Variants in GNAO1 observed in about 807,000 individuals in gnomAD.
GNAO1 encodes G protein subunit alpha o1.
For missense variants in GNAO1, 166 were observed against 478.7 expected (o/e 0.35, Z 6.10); for synonymous variants, 164 against 180.7 (o/e 0.91, Z 0.74).
chr16:56,231,992 G>C (rs1366965233), intron 2 of GNAO1, among the ~76,000 whole-genome samples: 1 of 152,188 alleles, frequency 6.6e-6, no homozygotes, highest in Non-Finnish European at 1.5e-5. Context: ...GGGGGCTGGA[G>C]GAGGGGGGCC....
intron 6 of GNAO1, among the ~76,000 whole-genome samples, chr16:56,338,520 G>A (rs879704780): frequency 2.0e-5 from 3 of 152,214 alleles, no homozygotes; most frequent in Non-Finnish European, 4.4e-5. Flanking sequence ...CCAACTCCTG[G>A]GGTCTGAGCT....
chr16:56,262,625 A>T (rs1284614948), intron 2 of GNAO1, among the ~76,000 whole-genome samples: 1 of 152,226 alleles, frequency 6.6e-6, no homozygotes, highest in Non-Finnish European at 1.5e-5. Flanking sequence ...AAATATAATT[A>T]AAAAGCTATG....
At chr16:56,280,510 T>C (rs1177304500) in intron 3 of GNAO1, among the ~76,000 whole-genome samples, 1 of 151,714 alleles carries the variant, frequency 6.6e-6, no homozygotes, top group Non-Finnish European at 1.5e-5. Flanking sequence ...CGTGGAGAGA[T>C]TTTGAGCTGG....
rs1228525299 is a variant in GNAO1, at chr16:56,253,356, C to T, written c.162-22575C>T. 3.3e-5 allele frequency among the ~76,000 whole-genome samples: 5 copies of T among 152,328 alleles called. No individual in the cohort carries two copies. The East Asian group carries it at 5.8e-4, about 18-fold the overall frequency. ...GAAGACCTGGGTTGGAGCCCCAGCC[C>T]GGCTACTTGCTGGCCTGTGACCTTG... is the stretch of plus-strand genomic sequence containing the variant. On this transcript the variant is annotated intron_variant, in intron 2 of 8. Coordinates refer to ENST00000262493, the MANE Select transcript of GNAO1 (RefSeq NM_020988.3).
intron 3 of GNAO1, among the ~76,000 whole-genome samples, chr16:56,297,944 G>C (rs981295018): frequency 6.6e-6 from 1 of 152,144 alleles, no homozygotes; most frequent in Non-Finnish European, 1.5e-5. Context: ...AAAGGTGGGC[G>C]GATCACTTGA....
intron 3 of GNAO1, among the ~76,000 whole-genome samples, chr16:56,309,346 G>T (rs1158591000): frequency 1.3e-5 from 2 of 152,284 alleles, no homozygotes; most frequent in Middle Eastern, 3.4e-3. Context: ...TTAGAGATGG[G>T]GAGAGATGAT....
intron 2 of GNAO1, among the ~76,000 whole-genome samples, chr16:56,209,170 G>A (rs1273587955): frequency 2.0e-5 from 3 of 152,232 alleles, no homozygotes; most frequent in African/African-American, 7.2e-5. Context: ...GTTGATTCTT[G>A]TGTATGATGT....
Position 56,334,822 on chromosome 16 carries a change from A to G in GNAO1, c.558A>G (p.Val186=), listed in dbSNP as rs776321608. The change falls in exon 5 of 9, where the codon GTA becomes GTG. Residue 186 remains valine, a synonymous_variant. Transcript: ENST00000262493. ...CCAGGGTCAAAACCACTGGCATCGTAGAAACCCACTTCACATTCAAGAACC... is the reference window on the plus strand; with the variant it reads ...CCAGGGTCAAAACCACTGGCATCGTGGAAACCCACTTCACATTCAAGAACC... ...LRTRVKTTGI[V]ETHFTFKNLH... is the part of the protein sequence containing the mutation. The G allele has an allele frequency of 3.7e-6, 6 of 1,613,968 alleles. No homozygotes were observed. The highest frequency in any genetic ancestry group is 4.2e-6 in the Non-Finnish European group (5 of 1,180,022).
chr16:56,259,951 G>A lies in GNAO1; in HGVS notation c.162-15980G>A, dbSNP rs961669610. Among the ~76,000 whole-genome samples, 3 of 152,178 alleles carry A rather than the reference G, an allele frequency of 2.0e-5. No individual in the cohort carries two copies. The East Asian group carries it at 5.8e-4, about 29-fold the overall frequency. ...TATTCCTTGGATATTTAGTCTGAGG[G>A]CTGTCCATAAAGTGGAGAGCTCTTG... On this transcript the variant is annotated intron_variant, in intron 2 of 8. Transcript: ENST00000262493.
At chr16:56,347,126 A>G (rs2037877211) in intron 6 of GNAO1, 19 of 985,414 alleles carry the variant, frequency 1.9e-5, no homozygotes, top group Non-Finnish European at 2.3e-5. Context: ...GAGCACTCGG[A>G]CTGTTTCCTC....
At chr16:56,277,776 T>TAC (rs60891936) in intron 3 of GNAO1, among the ~76,000 whole-genome samples, 3,263 of 108,024 alleles carry the variant, frequency 0.03, 158 homozygotes, top group African/African-American at 0.045. Context: ...GCACACCCCC[T>TAC]ACACACACAC....
chr16:56,323,848 G>A (rs1010279483), intron 3 of GNAO1, among the ~76,000 whole-genome samples: 1 of 152,166 alleles, frequency 6.6e-6, no homozygotes, highest in Non-Finnish European at 1.5e-5. Flanking sequence ...AACCATGGAG[G>A]CCTGGACTTA....
At chr16:56,342,695 C>T (rs995312436) in intron 6 of GNAO1, among the ~76,000 whole-genome samples, 2 of 152,248 alleles carry the variant, frequency 1.3e-5, no homozygotes, top group Non-Finnish European at 2.9e-5. Context: ...AAGGCCTGCT[C>T]TGTGGACTCC....
intron 3 of GNAO1, among the ~76,000 whole-genome samples, chr16:56,287,235 G>A (rs2037181682): frequency 6.6e-6 from 1 of 152,222 alleles, no homozygotes; most frequent in Admixed American, 6.5e-5. Context: ...GCCTCCACTA[G>A]AAGTCAGGTC....
intron 3 of GNAO1, among the ~76,000 whole-genome samples, chr16:56,293,346 G>A (rs2037250620): frequency 6.6e-6 from 1 of 152,198 alleles, no homozygotes; most frequent in African/African-American, 2.4e-5. Context: ...CAGCTGAGCA[G>A]TTCAACAGCT....
chr16:56,234,495 T>A (rs1390517336), intron 2 of GNAO1, among the ~76,000 whole-genome samples: 1 of 152,260 alleles, frequency 6.6e-6, no homozygotes, highest in Non-Finnish European at 1.5e-5. Flanking sequence ...CAGCCAGGCC[T>A]GCAGTTCCTC....
intron 2 of GNAO1, among the ~76,000 whole-genome samples, chr16:56,269,494 A>G (rs143462525): frequency 5.8e-4 from 89 of 152,180 alleles, no homozygotes; most frequent in Middle Eastern, 3.4e-3. Flanking sequence ...TGTGCTGGGC[A>G]CTCTACATGG....
rs2037977939 is a variant in GNAO1 at position 56,357,201 on chromosome 16, T to G, written c.*1127T>G. The G allele has an allele frequency of 6.6e-6, 1 of 151,836 alleles. No individual in the cohort carries two copies. The highest frequency in any genetic ancestry group is 2.4e-5 in the African/African-American group (1 of 41,142). The allele number at this position is 151,836 out of a possible 1,614,324, so 9.4% of individuals were successfully genotyped here. A position where few individuals can be genotyped will look rare whatever the true frequency, so the allele number is the denominator to read the frequency against. On this transcript the variant is annotated 3_prime_UTR_variant, in exon 9 of 9. Transcript: ENST00000262493. ...ACGGTTTCACTTTTAAGACTTAATC[T>G]TTGCTGAAGAAGACCAGTCACAGCC...
chr16:56,286,564 C>G (rs1025944063), intron 3 of GNAO1, among the ~76,000 whole-genome samples: 8 of 152,126 alleles, frequency 5.3e-5, no homozygotes, highest in African/African-American at 1.7e-4. Flanking sequence ...GAAAATGGCT[C>G]CAGCAGCTAA....
Sources: allele counts gnomAD v4.1 joint callset (sites outside exome capture counted in the v4.1 genomes callset), GRCh38; gene constraint gnomAD v4.1.1; transcripts MANE v1.5; gene names NCBI Gene and HGNC (gene_info 2026-07-23, HGNC 2026-07-21).